Variants in DOCK3 observed in about 807,000 individuals in gnomAD.
DOCK3 encodes dedicator of cytokinesis protein 3.
Under a neutral mutation model 265.6 loss-of-function variants are expected in DOCK3, and 60 were observed. That is an observed-to-expected ratio of 0.23 (90% CI 0.18 to 0.28). DOCK3 has a LOEUF of 0.28. Ranked by LOEUF, DOCK3 falls within the 10% of genes least tolerant of loss-of-function variation. The probability of loss-of-function intolerance (pLI) is 1.00; values close to 1 mark genes in which losing one functional copy is unlikely to be tolerated. For synonymous variants in DOCK3, 881 were observed against 938.0 expected (o/e 0.94, Z 1.11); for missense variants, 1,981 against 2,594.3 (o/e 0.76, Z 5.14).
intron 32 of DOCK3, among the ~76,000 whole-genome samples, chr3:51,323,371 A>G (rs1265923691): frequency 6.6e-6 from 1 of 152,250 alleles, no homozygotes; most frequent in Non-Finnish European, 1.5e-5. Flanking sequence ...AGACATCTAC[A>G]GAACTCTCCA....
At chr3:51,323,274 A>T (rs541052871) in intron 32 of DOCK3, among the ~76,000 whole-genome samples, 1 of 152,224 alleles carries the variant, frequency 6.6e-6, no homozygotes, top group East Asian at 1.9e-4. Flanking sequence ...TTAACACCCC[A>T]CTGTCTATAT....
chr3:50,892,379 A>G (rs1272412592), intron 4 of DOCK3, among the ~76,000 whole-genome samples: 1 of 152,080 alleles, frequency 6.6e-6, no homozygotes, highest in Non-Finnish European at 1.5e-5. Flanking sequence ...ATACCTTTAT[A>G]AGAGGTCCAG....
intron 22 of DOCK3, among the ~76,000 whole-genome samples, chr3:51,254,888 A>T (rs936812895): frequency 1.3e-5 from 2 of 152,092 alleles, no homozygotes; most frequent in Non-Finnish European, 2.9e-5. Flanking sequence ...ATATAGTTAT[A>T]TGTGAATTTG....
chr3:51,257,573 C>T (rs1356328406), intron 22 of DOCK3, among the ~76,000 whole-genome samples: 1 of 152,136 alleles, frequency 6.6e-6, no homozygotes, highest in Non-Finnish European at 1.5e-5. Flanking sequence ...CATTCCAAAA[C>T]AATAGCACAC....
chr3:50,935,689 T>TC (rs1262614471), intron 5 of DOCK3, among the ~76,000 whole-genome samples: 4 of 152,086 alleles, frequency 2.6e-5, no homozygotes, highest in African/African-American at 9.7e-5. Flanking sequence ...GCAGTGCTTG[T>TC]CCCCACCCAA....
At chr3:51,022,715 G>A (rs938936097) in intron 5 of DOCK3, among the ~76,000 whole-genome samples, 1 of 152,138 alleles carries the variant, frequency 6.6e-6, no homozygotes, top group Non-Finnish European at 1.5e-5. Context: ...AAGCTCTTTA[G>A]TTTAATTAGG....
At chr3:50,779,678 C>T (rs1001264011) in intron 2 of DOCK3, among the ~76,000 whole-genome samples, 3 of 152,196 alleles carry the variant, frequency 2.0e-5, no homozygotes, top group Non-Finnish European at 4.4e-5. Context: ...GCCACTGCGC[C>T]TGGCCTAAAT....
chr3:50,754,731 G>A (rs146846578), intron 1 of DOCK3, among the ~76,000 whole-genome samples: 64 of 151,924 alleles, frequency 4.2e-4, no homozygotes, highest in African/African-American at 1.5e-3. Context: ...GGTCAATTTT[G>A]TATTTTTTGT....
chr3:51,098,910 G>A (rs967889183), intron 9 of DOCK3, among the ~76,000 whole-genome samples: 5 of 152,132 alleles, frequency 3.3e-5, no homozygotes, highest in African/African-American at 4.8e-5. Flanking sequence ...TAAAAATTAC[G>A]AGGGGCTAGA....
At chr3:50,846,986 G>T (rs2046116434) in intron 3 of DOCK3, among the ~76,000 whole-genome samples, 1 of 151,978 alleles carries the variant, frequency 6.6e-6, no homozygotes, top group Admixed American at 6.6e-5. Flanking sequence ...ATTTTGTTCA[G>T]TTCTGCTCTG....
At chr3:51,308,740 T>A (rs2082857186) in intron 27 of DOCK3, among the ~76,000 whole-genome samples, 1 of 152,178 alleles carries the variant, frequency 6.6e-6, no homozygotes, top group South Asian at 2.1e-4. Flanking sequence ...TGGGTACACC[T>A]CCCAGACGGG....
At position 51,171,182 on chromosome 3, in the gene DOCK3, A is replaced by G. The variant is rs567718694; in HGVS notation, c.1037+10480A>G. ...TGCAGGTAGGCATTTATTACTGTAA[A>G]TGTTTCTCTGAGAACTGCTTTTTCT... On this transcript the variant is annotated intron_variant, in intron 12 of 52. Coordinates refer to ENST00000266037, the MANE Select transcript of DOCK3 (RefSeq NM_004947.5). Among the ~76,000 whole-genome samples, 6 of 152,168 alleles carry G rather than the reference A, an allele frequency of 3.9e-5. No homozygotes were observed. The South Asian group carries it at 1.2e-3, about 32-fold the overall frequency.
intron 5 of DOCK3, among the ~76,000 whole-genome samples, chr3:50,973,049 CT>C (rs71858027): frequency 2.1e-4 from 4 of 19,020 alleles, no homozygotes; most frequent in Non-Finnish European, 3.4e-4. Flanking sequence ...CAGTGTGTTT[CT>C]TTTTTTTTTT....
At chr3:50,753,809 T>A (rs1429202173) in intron 1 of DOCK3, among the ~76,000 whole-genome samples, 2 of 152,200 alleles carry the variant, frequency 1.3e-5, no homozygotes, top group Non-Finnish European at 2.9e-5. Context: ...TGGCAGCTCA[T>A]CAGTTGTACT....
intron 1 of DOCK3, among the ~76,000 whole-genome samples, chr3:50,705,515 A>T (rs1232663178): frequency 6.6e-6 from 1 of 152,110 alleles, no homozygotes; most frequent in Non-Finnish European, 1.5e-5. Flanking sequence ...TGCTGGGTTC[A>T]AGCAGTTCTC....
chr3:51,325,611 A>G (rs2084049272), intron 32 of DOCK3, among the ~76,000 whole-genome samples: 1 of 152,206 alleles, frequency 6.6e-6, no homozygotes. Context: ...ACACATGCAC[A>G]TGTATGTTTA....
At chr3:51,049,819 ACACACACACC>A (rs1432369756) in intron 5 of DOCK3, among the ~76,000 whole-genome samples, 6 of 132,222 alleles carry the variant, frequency 4.5e-5, no homozygotes, top group South Asian at 2.8e-4. Context: ...ACACACACAC[ACACACACACC>A]CCAAAAAAAC....
intron 4 of DOCK3, among the ~76,000 whole-genome samples, chr3:50,925,597 C>G (rs541138836): frequency 1.3e-5 from 2 of 152,080 alleles, no homozygotes; most frequent in African/African-American, 2.4e-5. Context: ...AATGGCCATT[C>G]AGGGCATACA....
intron 10 of DOCK3, among the ~76,000 whole-genome samples, chr3:51,151,210 C>T (rs1208587156): frequency 2.6e-5 from 4 of 151,938 alleles, no homozygotes; most frequent in African/African-American, 4.8e-5. Flanking sequence ...TATGTCTCTG[C>T]ACATAAGATG....
Sources: allele counts gnomAD v4.1 joint callset (sites outside exome capture counted in the v4.1 genomes callset), GRCh38; gene constraint gnomAD v4.1.1; transcripts MANE v1.5; gene names NCBI Gene and HGNC (gene_info 2026-07-23, HGNC 2026-07-21).